The following ZBBX variants were observed in gnomAD, a reference collection of about 807,000 sequenced individuals.
The protein encoded by ZBBX is zinc finger B-box domain-containing protein 1.
Under a neutral mutation model 108.5 loss-of-function variants are expected in ZBBX, and 101 were observed. The ratio of observed to expected loss-of-function variants is 0.93; its 90% CI spans 0.79 to 1.10. ZBBX has a LOEUF of 1.10. Among genes scored for constraint, ZBBX ranks in the 50% least tolerant of loss-of-function variants. The pLI is 0.00. For missense variants in ZBBX, 1,009 were observed against 941.4 expected (o/e 1.07, Z -0.94); for synonymous variants, 356 against 323.4 (o/e 1.10, Z -1.08).
intron 10 of ZBBX, chr3:167,331,593 GA>G: frequency 1.0e-6 from 1 of 985,376 alleles, no homozygotes; most frequent in Non-Finnish European, 1.2e-6. Flanking sequence ...TGGCAGGGTA[GA>G]AAAAGCTGGA....
chr3:167,387,159 G>A (rs1747945278), intron 1 of ZBBX, among the ~76,000 whole-genome samples: 1 of 151,948 alleles, frequency 6.6e-6, no homozygotes, highest in Non-Finnish European at 1.5e-5. Flanking sequence ...GGCTAGCTTT[G>A]GTGAAGGTAA....
At chr3:167,329,290 C>G (rs1045204918) in intron 10 of ZBBX, among the ~76,000 whole-genome samples, 8 of 152,166 alleles carry the variant, frequency 5.3e-5, no homozygotes, top group Non-Finnish European at 1.2e-4. Flanking sequence ...CTACACTGGT[C>G]AAATTGCTAA....
intron 19 of ZBBX, among the ~76,000 whole-genome samples, chr3:167,287,947 T>C (rs544474404): frequency 6.6e-6 from 1 of 152,256 alleles, no homozygotes; most frequent in Non-Finnish European, 1.5e-5. Flanking sequence ...ATATCTTATA[T>C]AGAGAGGCAA....
chr3:167,375,611 A>T (rs1233374645), intron 2 of ZBBX, among the ~76,000 whole-genome samples: 1 of 151,966 alleles, frequency 6.6e-6, no homozygotes, highest in Admixed American at 6.6e-5. Context: ...AAAAAAAAGA[A>T]TCCATTATAC....
chr3:167,259,390 C>T (rs1208221654), intron 20 of ZBBX, among the ~76,000 whole-genome samples: 1 of 152,010 alleles, frequency 6.6e-6, no homozygotes, highest in African/African-American at 2.4e-5. Context: ...TGTTAATGGT[C>T]TATCAATTTT....
intron 1 of ZBBX, among the ~76,000 whole-genome samples, chr3:167,391,043 G>C (rs1748070749): frequency 6.6e-6 from 1 of 152,150 alleles, no homozygotes; most frequent in Non-Finnish European, 1.5e-5. Flanking sequence ...TGGTGAGAGA[G>C]GGCATCCTTG....
At chr3:167,263,377 C>T (rs533783240) in intron 20 of ZBBX, among the ~76,000 whole-genome samples, 74 of 152,234 alleles carry the variant, frequency 4.9e-4, no homozygotes, top group African/African-American at 1.7e-3. Context: ...GCTACAATTT[C>T]TCTCCTACTG....
At chr3:167,195,306 G>A in the ZBBX span, among the ~76,000 whole-genome samples, 2,025 of 152,210 alleles carry the variant, frequency 0.013, 22 homozygotes, top group South Asian at 0.026. Flanking sequence ...CACTAACTCA[G>A]CTTAACCATT....
intron 1 of ZBBX, among the ~76,000 whole-genome samples, chr3:167,406,786 A>G (rs576193063): frequency 6.6e-6 from 1 of 152,350 alleles, no homozygotes; most frequent in South Asian, 2.1e-4. Flanking sequence ...GGGATTGGAA[A>G]GGATCAGGGA....
At chr3:167,324,549 T>C (rs1737031215) in intron 11 of ZBBX, among the ~76,000 whole-genome samples, 1 of 152,066 alleles carries the variant, frequency 6.6e-6, no homozygotes, top group Admixed American at 6.6e-5. Context: ...TCTTCTACTA[T>C]AGGTAAAACA....
chr3:167,307,505 T>C (rs1384681948), intron 16 of ZBBX, among the ~76,000 whole-genome samples: 3 of 152,020 alleles, frequency 2.0e-5, no homozygotes, highest in Non-Finnish European at 4.4e-5. Flanking sequence ...AGAGCTCCAA[T>C]AGCTAAGGCA....
chr3:167,332,608 C>T lies in ZBBX; in HGVS notation c.687+1219G>A, dbSNP rs181143857. ...TGGGGTAATAAAAGCACAAACCTTA[C>T]ATGGTTATTGAGATTATTGGATAAG... On this transcript the variant is annotated intron_variant, in intron 10 of 21. Transcript: ENST00000675490. Among the ~76,000 whole-genome samples, 294 of 152,206 alleles carry T rather than the reference C, an allele frequency of 1.9e-3. 1 individual carries two copies. Among genetic ancestry groups the T allele is most frequent in the Non-Finnish European group, 3.2e-3 (217 of 68,006 alleles).
At chr3:167,393,527 GCT>G (rs1214487857) in intron 1 of ZBBX, among the ~76,000 whole-genome samples, 1 of 151,724 alleles carries the variant, frequency 6.6e-6, no homozygotes, top group African/African-American at 2.4e-5. Context: ...TTTATAAACT[GCT>G]CCAAGAAATA....
intron 5 of ZBBX, 96 bp downstream of exon 5, chr3:167,368,365 C>A: frequency 1.1e-6 from 1 of 892,918 alleles, no homozygotes; most frequent in Non-Finnish European, 1.7e-6. Context: ...AATTATCCAT[C>A]CATTAAATGT....
chr3:167,273,018 T>C (rs1234233707), intron 20 of ZBBX, among the ~76,000 whole-genome samples: 2 of 152,232 alleles, frequency 1.3e-5, no homozygotes, highest in African/African-American at 4.8e-5. Flanking sequence ...GTCGCTTCTA[T>C]AACATAGGAG....
chr3:167,217,769 A>G, the ZBBX span, among the ~76,000 whole-genome samples: 14 of 152,314 alleles, frequency 9.2e-5, no homozygotes, highest in East Asian at 2.7e-3. Context: ...ACACCATGGA[A>G]TATTATGTAG....
intron 17 of ZBBX, among the ~76,000 whole-genome samples, chr3:167,299,443 T>C (rs1171057105): frequency 1.3e-5 from 2 of 152,116 alleles, no homozygotes; most frequent in Non-Finnish European, 2.9e-5. Flanking sequence ...TTCTTTCCAC[T>C]CTACTGAAGC....
upstream of ZBBX, among the ~76,000 whole-genome samples, chr3:167,380,869 C>CACACAT (rs1747660915): frequency 1.0e-5 from 1 of 100,256 alleles, no homozygotes; most frequent in Non-Finnish European, 1.9e-5. Flanking sequence ...AATATATGCA[C>CACACAT]ACACACACAC....
chr3:167,200,103 C>T, the ZBBX span, among the ~76,000 whole-genome samples: 2 of 152,012 alleles, frequency 1.3e-5, no homozygotes, highest in Non-Finnish European at 2.9e-5. Context: ...CTTCTTGGGA[C>T]ATCAGTTATG....
Sources: gnomAD v4.1 joint callset for allele counts (sites outside exome capture counted in the v4.1 genomes callset) on GRCh38, gnomAD v4.1.1 for gene constraint, MANE v1.5 for transcripts, NCBI Gene and HGNC (gene_info 2026-07-23, HGNC 2026-07-21) for gene names.